LAMA2: variants seen among roughly 807,000 people sequenced by gnomAD.
LAMA2 encodes laminin subunit alpha 2.
A neutral mutation model predicts 364.8 loss-of-function variants in LAMA2; 269 were observed. The ratio of observed to expected loss-of-function variants is 0.74; its 90% CI spans 0.67 to 0.82. The LOEUF is 0.82. Among genes scored for constraint, LAMA2 ranks in the 40% least tolerant of loss-of-function variants. The pLI is 0.00. For missense variants in LAMA2, 3,807 were observed against 3,873.2 expected (o/e 0.98, Z 0.45); for synonymous variants, 1,379 against 1,370.6 (o/e 1.01, Z -0.14).
At chr6:129,145,335 T>C (rs534866681) in intron 5 of LAMA2, among the ~76,000 whole-genome samples, 23 of 152,178 alleles carry the variant, frequency 1.5e-4, no homozygotes, top group African/African-American at 4.1e-4. Flanking sequence ...ATATGTCAGA[T>C]GTTTTAGTGC....
At chr6:129,318,699 T>C (rs980411243) in intron 27 of LAMA2, among the ~76,000 whole-genome samples, 7 of 152,120 alleles carry the variant, frequency 4.6e-5, no homozygotes, top group African/African-American at 1.7e-4. Context: ...GAGCAGAGAG[T>C]GAAACCTGAA....
chr6:129,263,992 C>T (rs998590411), intron 15 of LAMA2, among the ~76,000 whole-genome samples: 5 of 152,198 alleles, frequency 3.3e-5, no homozygotes, highest in Admixed American at 1.3e-4. Context: ...AATCCTCCCA[C>T]CTCAGCCTCC....
intron 62 of LAMA2, among the ~76,000 whole-genome samples, chr6:129,509,031 G>A (rs187798637): frequency 6.6e-6 from 1 of 152,102 alleles, no homozygotes; most frequent in Non-Finnish European, 1.5e-5. Context: ...CCTGTCTTTT[G>A]GATAAAAGCC....
intron 16 of LAMA2, among the ~76,000 whole-genome samples, chr6:129,269,110 A>T (rs574067748): frequency 6.6e-6 from 1 of 152,246 alleles, no homozygotes; most frequent in Admixed American, 6.5e-5. Flanking sequence ...ATTTGATTAT[A>T]AATTATCTGA....
At chr6:129,391,390 C>A in intron 35 of LAMA2, 101 bp from the exon 36 acceptor site, 1 of 990,826 alleles carries the variant, frequency 1.0e-6, no homozygotes, top group Non-Finnish European at 1.6e-6. Flanking sequence ...CGGCAAAATA[C>A]TCTTCATTTG....
At chr6:129,050,967 G>A (rs1787959275) in intron 2 of LAMA2, among the ~76,000 whole-genome samples, 1 of 152,036 alleles carries the variant, frequency 6.6e-6, no homozygotes, top group South Asian at 2.1e-4. Flanking sequence ...GGAGCATAAT[G>A]TTAAATTACA....
At chr6:128,891,121 T>G (rs906902633) in intron 1 of LAMA2, among the ~76,000 whole-genome samples, 14 of 152,080 alleles carry the variant, frequency 9.2e-5, no homozygotes, top group African/African-American at 3.4e-4. Flanking sequence ...TTTTGTTGTC[T>G]TAAGGTATTA....
intron 1 of LAMA2, among the ~76,000 whole-genome samples, chr6:128,982,738 T>G (rs1310171701): frequency 1.4e-5 from 2 of 147,032 alleles, no homozygotes; most frequent in Non-Finnish European, 3.0e-5. Context: ...GTATATCTCC[T>G]AATGCTATCC....
chr6:129,281,349 C>A (rs1281288255), intron 18 of LAMA2, among the ~76,000 whole-genome samples: 1 of 152,028 alleles, frequency 6.6e-6, no homozygotes, highest in Non-Finnish European at 1.5e-5. Flanking sequence ...CTTTTTTTAG[C>A]AACTGGAAAA....
chr6:129,008,843 C>G (rs1018532108), intron 1 of LAMA2, among the ~76,000 whole-genome samples: 11 of 152,146 alleles, frequency 7.2e-5, no homozygotes, highest in African/African-American at 2.7e-4. Flanking sequence ...ACGATTCACA[C>G]AGCATCAACT....
intron 28 of LAMA2, among the ~76,000 whole-genome samples, chr6:129,321,292 G>A (rs1774951209): frequency 1.3e-5 from 2 of 152,062 alleles, no homozygotes; most frequent in Admixed American, 1.3e-4. Flanking sequence ...ACGACTTAAG[G>A]GAGGTGGAAT....
chr6:129,419,860 G>T (rs760324332), intron 40 of LAMA2, among the ~76,000 whole-genome samples: 1 of 151,972 alleles, frequency 6.6e-6, no homozygotes, highest in Non-Finnish European at 1.5e-5. Context: ...TCTCTTTGGG[G>T]TGTTTCTTGA....
intron 14 of LAMA2, among the ~76,000 whole-genome samples, chr6:129,258,932 A>G (rs938321179): frequency 2.0e-5 from 3 of 152,094 alleles, no homozygotes; most frequent in Non-Finnish European, 2.9e-5. Context: ...ATGTGCCCCT[A>G]GAGAATATAG....
rs766029511 is a variant in LAMA2 at position 129,312,928 on chromosome 6, G to T, written c.3242G>T (p.Cys1081Phe). 6.2e-7 allele frequency: 1 copy of T among 1,614,178 alleles called. No homozygotes were observed. The highest frequency in any genetic ancestry group is 8.5e-7 in the Non-Finnish European group (1 of 1,180,034). The change falls in exon 23 of 65, where the codon TGT becomes TTT. Residue 1081 changes from cysteine to phenylalanine, a missense_variant. Around this residue, in one of 3 missense-constraint regions of LAMA2, gnomAD observed 3,333 missense variants for 3,345.7 expected, o/e 1.00. Coordinates refer to ENST00000421865, the MANE Select transcript of LAMA2 (RefSeq NM_000426.4). ...AATGTAAATACAGGCCAATGCAACT[G>T]TCATCCAAAATTCTCTGGTGCAAAA... ...QCNVNTGQCNCHPKFSGAKCT... is the reference protein window; with the variant it reads ...QCNVNTGQCNFHPKFSGAKCT...
chr6:129,061,542 A>C (rs1788913544), intron 3 of LAMA2, among the ~76,000 whole-genome samples: 1 of 152,312 alleles, frequency 6.6e-6, no homozygotes, highest in East Asian at 1.9e-4. Flanking sequence ...CAATTCAGCA[A>C]GTCAAAGAGT....
At chr6:129,165,364 TTTA>T (rs1583168437) in intron 8 of LAMA2, among the ~76,000 whole-genome samples, 3 of 152,236 alleles carry the variant, frequency 2.0e-5, no homozygotes, top group East Asian at 1.9e-4. Flanking sequence ...TATATAGGAA[TTTA>T]TTATTCTATT....
intron 8 of LAMA2, chr6:129,157,737 G>A (rs973611671): frequency 1.6e-5 from 26 of 1,611,824 alleles, no homozygotes; most frequent in Middle Eastern, 3.3e-4. Context: ...CGGATCACTC[G>A]GTACCATGTT....
intron 1 of LAMA2, among the ~76,000 whole-genome samples, chr6:128,964,174 A>G (rs1385821335): frequency 6.6e-6 from 1 of 152,076 alleles, no homozygotes; most frequent in African/African-American, 2.4e-5. Context: ...TATTTTAAAA[A>G]TGGGCATGAT....
chr6:128,916,108 C>T (rs1778296158), intron 1 of LAMA2, among the ~76,000 whole-genome samples: 1 of 152,088 alleles, frequency 6.6e-6, no homozygotes, highest in Non-Finnish European at 1.5e-5. Flanking sequence ...GCTGCTAGTT[C>T]ATCTCCGCCC....
Sources: allele counts gnomAD v4.1 joint callset (sites outside exome capture counted in the v4.1 genomes callset), GRCh38; gene constraint gnomAD v4.1.1; regional missense constraint gnomAD v4.1.1; transcripts MANE v1.5; gene names NCBI Gene and HGNC (gene_info 2026-07-23, HGNC 2026-07-21).